Variants in SETBP1 observed in about 807,000 individuals in gnomAD.
SETBP1 encodes SET-binding protein.
Under a neutral mutation model 101.0 loss-of-function variants are expected in SETBP1, and 9 were observed. That is an observed-to-expected ratio of 0.09 (90% CI 0.05 to 0.16). SETBP1 has a LOEUF of 0.16. Among genes scored for constraint, SETBP1 ranks in the 10% least tolerant of loss-of-function variants. SETBP1 has a pLI of 1.00. For missense variants in SETBP1, 1,858 were observed against 2,033.8 expected (o/e 0.91, Z 1.66); for synonymous variants, 818 against 788.5 (o/e 1.04, Z -0.63).
At chr18:44,933,785 T>C in intron 3 of SETBP1, among the ~76,000 whole-genome samples, 1 of 152,234 alleles carries the variant, frequency 6.6e-6, no homozygotes, top group East Asian at 1.9e-4. Flanking sequence ...TGCCATTTGC[T>C]AAGGCTATTG....
At chr18:44,825,798 CTTTT>C (rs1387281957) in intron 2 of SETBP1, among the ~76,000 whole-genome samples, 2 of 152,162 alleles carry the variant, frequency 1.3e-5, no homozygotes, top group East Asian at 1.9e-4. Flanking sequence ...TTCAGTCTTT[CTTTT>C]ATTTCTCAAA....
In SETBP1 at chr18:44,953,329, C is replaced by G; in HGVS notation, c.3989C>G (p.Ser1330Cys). ...NRKERSSYDS[S>C]MSPGMPSPHL... is the part of the protein sequence containing the mutation. ...AAGGAGAGAAGTTCTTATGACTCCT[C>G]CATGTCTCCAGGTAAGGCTGTTTTT... Residue 1330 changes from serine (S) to cysteine (C), a missense_variant, in exon 4 of 6, where the codon TCC (serine) becomes TGC (cysteine). Coordinates refer to ENST00000649279, the MANE Select transcript of SETBP1 (RefSeq NM_015559.3). The G allele has an allele frequency of 6.2e-7, 1 of 1,613,500 alleles. No homozygotes were observed.
intron 2 of SETBP1, among the ~76,000 whole-genome samples, chr18:44,845,627 T>G (rs1327653020): frequency 6.6e-6 from 1 of 152,242 alleles, no homozygotes; most frequent in Non-Finnish European, 1.5e-5. Flanking sequence ...CATCCAGCAC[T>G]GCCAGGGGGC....
At chr18:44,689,825 T>C (rs1291808845) in intron 1 of SETBP1, among the ~76,000 whole-genome samples, 3 of 151,812 alleles carry the variant, frequency 2.0e-5, no homozygotes, top group African/African-American at 7.3e-5. Context: ...CTCTGTGGAG[T>C]GTAAGGCAGC....
chr18:44,687,173 C>G (rs1487122854), intron 1 of SETBP1, among the ~76,000 whole-genome samples: 3 of 152,216 alleles, frequency 2.0e-5, no homozygotes, highest in African/African-American at 7.2e-5. Flanking sequence ...CAGAAAGCAG[C>G]CTGGGCTCAC....
Position 44,869,452 on chromosome 18 carries a change from T to C in SETBP1, c.540+169T>C, listed in dbSNP as rs2069218813. ...TGGCTTGCTCTCCTCCTCCAGCTCC[T>C]CTCATTCTAGCATGGACAAAACCAC... On this transcript the variant is annotated intron_variant, in intron 3 of 5. Transcript: ENST00000649279. 4.3e-6 allele frequency: 3 copies of C among 698,644 alleles called. No homozygotes were observed. In the Admixed American group the frequency reaches 6.1e-5, roughly 14 times the overall value. The allele number at this position is 698,644 out of a possible 1,614,324, so 43.3% of individuals were successfully genotyped here.
upstream of SETBP1, among the ~76,000 whole-genome samples, chr18:44,680,641 C>G (rs1040388498): frequency 2.6e-5 from 4 of 152,076 alleles, no homozygotes; most frequent in Non-Finnish European, 5.9e-5. Flanking sequence ...GGGTGGGCGG[C>G]GATGCTGGCT....
At chr18:44,730,515 T>G (rs1422107412) in intron 2 of SETBP1, among the ~76,000 whole-genome samples, 1 of 152,220 alleles carries the variant, frequency 6.6e-6, no homozygotes, top group Non-Finnish European at 1.5e-5. Context: ...CCTGGACTTT[T>G]TCCAGCCTCT....
At chr18:44,799,766 G>A (rs544742626) in intron 2 of SETBP1, among the ~76,000 whole-genome samples, 7 of 152,296 alleles carry the variant, frequency 4.6e-5, no homozygotes, top group Non-Finnish European at 8.8e-5. Context: ...GGGTGACCCA[G>A]CATGGAGGAA....
At chr18:44,743,472 C>T (rs1178007992) in intron 2 of SETBP1, among the ~76,000 whole-genome samples, 2 of 152,154 alleles carry the variant, frequency 1.3e-5, no homozygotes, top group East Asian at 3.9e-4. Flanking sequence ...GTACAGCACC[C>T]CCCCAACCCC....
intron 5 of SETBP1, among the ~76,000 whole-genome samples, chr18:45,051,891 G>A (rs138218432): frequency 6.0e-4 from 91 of 152,290 alleles, no homozygotes; most frequent in African/African-American, 2.2e-3. Context: ...TGCTCTGAAC[G>A]GAGTAGGGAA....
intron 2 of SETBP1, among the ~76,000 whole-genome samples, chr18:44,766,526 A>AG (rs993217259): frequency 6.6e-6 from 1 of 152,198 alleles, no homozygotes; most frequent in Non-Finnish European, 1.5e-5. Context: ...TAGTGGTTTC[A>AG]GGGGGTGGGT....
intron 2 of SETBP1, among the ~76,000 whole-genome samples, chr18:44,747,796 G>A (rs1203324255): frequency 6.6e-6 from 1 of 152,230 alleles, no homozygotes; most frequent in Non-Finnish European, 1.5e-5. Flanking sequence ...ATGTCTCAAA[G>A]CCTTTAATGT....
intron 3 of SETBP1, chr18:44,876,556 A>G (rs1395056658): frequency 6.5e-7 from 1 of 1,546,782 alleles, no homozygotes; most frequent in African/African-American, 1.4e-5. Flanking sequence ...CAGCCTCCTC[A>G]TTTTCTAGAT....
At chr18:45,034,514 C>T (rs1462910965) in intron 4 of SETBP1, among the ~76,000 whole-genome samples, 2 of 151,912 alleles carry the variant, frequency 1.3e-5, no homozygotes, top group Admixed American at 1.3e-4. Context: ...CAGGCTACAG[C>T]ACAGTTTCAG....
intron 2 of SETBP1, among the ~76,000 whole-genome samples, chr18:44,727,948 T>TA (rs947847131): frequency 4.0e-5 from 6 of 151,892 alleles, no homozygotes; most frequent in Admixed American, 1.3e-4. Flanking sequence ...TTGTATCCAA[T>TA]AAAAAAAAGA....
intron 3 of SETBP1, among the ~76,000 whole-genome samples, chr18:44,906,918 A>G (rs1490191777): frequency 6.6e-6 from 1 of 152,180 alleles, no homozygotes. Context: ...CAAAATAGTG[A>G]TTTTTAGTAT....
intron 2 of SETBP1, among the ~76,000 whole-genome samples, chr18:44,860,586 A>T (rs930422133): frequency 6.6e-6 from 1 of 152,128 alleles, no homozygotes. Context: ...TATCTCTACT[A>T]AAAATGTAAA....
chr18:44,844,340 T>C (rs1168509385), intron 2 of SETBP1, among the ~76,000 whole-genome samples: 1 of 64,980 alleles, frequency 1.5e-5, no homozygotes, highest in Non-Finnish European at 3.1e-5. Context: ...CACACACACG[T>C]GCACACACGC....
Sources: allele counts gnomAD v4.1 joint callset (sites outside exome capture counted in the v4.1 genomes callset), GRCh38; gene constraint gnomAD v4.1.1; transcripts MANE v1.5; gene names NCBI Gene and HGNC (gene_info 2026-07-23, HGNC 2026-07-21).